SGSM2: variants seen among roughly 807,000 people sequenced by gnomAD.
SGSM2 encodes the protein RUN and TBC1 domain containing 1.
A neutral mutation model predicts 126.6 loss-of-function variants in SGSM2; 89 were observed. The observed-to-expected ratio is 0.70, with a 90% confidence interval of 0.59 to 0.84. The LOEUF is 0.84. Among genes scored for constraint, SGSM2 ranks in the 40% least tolerant of loss-of-function variants. The pLI, the probability that SGSM2 is intolerant of heterozygous loss-of-function variation, is 0.00. For missense variants in SGSM2, 1,404 were observed against 1,416.6 expected (o/e 0.99, Z 0.14); for synonymous variants, 614 against 574.3 (o/e 1.07, Z -0.99).
At position 2,375,537 on chromosome 17, in the gene SGSM2, C is replaced by T. The variant is rs1334219878; in HGVS notation, c.2146C>T (p.Pro716Ser). ...DDLEPPEPQD[P>S]EDSRPKPEQE... is the part of the protein sequence containing the mutation. ...TCTGGAACCCCCGGAGCCCCAGGAC[C>T]CTGAAGATTCCAGACCAAAACCTGA... The change falls in exon 18 of 24, where the codon CCT (proline) becomes TCT (serine). Residue 716 changes from proline to serine, a missense_variant. Transcript: ENST00000268989. 2 of 1,613,646 alleles carry T rather than the reference C, an allele frequency of 1.2e-6. No homozygotes were observed. The highest frequency in any genetic ancestry group is 1.3e-5 in the African/African-American group (1 of 75,036).
chr17:2,376,160 C>A lies in SGSM2; in HGVS notation c.2508C>A (p.Ala836=). Residue 836 remains alanine, a synonymous_variant, in exon 19 of 24, where the codon GCC becomes GCA. Transcript: ENST00000268989. Reference sequence around the variant, plus strand: ...AGATAGAATTACTGGACACTGTGGCCTTAAACCTGCACCGCATAGACAAGG... The same window carrying A: ...AGATAGAATTACTGGACACTGTGGCATTAAACCTGCACCGCATAGACAAGG... The part of the protein sequence containing the change: ...AYTIELLDTV[A]LNLHRIDKDV... 6.2e-7 allele frequency: 1 copy of A among 1,614,108 alleles called. No individual in the cohort carries two copies. The highest frequency in any genetic ancestry group is 8.5e-7 in the Non-Finnish European group (1 of 1,180,012).
At position 2,364,877 on chromosome 17, in the gene SGSM2, C is replaced by A; in HGVS notation, c.1001-20C>A. Reference sequence around the variant, plus strand: ...AGCCGACGAGAGGGCCTCAGCCGCACTCTCCACGTTCACCCCCAGAGAGCG... The same window carrying A: ...AGCCGACGAGAGGGCCTCAGCCGCAATCTCCACGTTCACCCCCAGAGAGCG... On this transcript the variant is annotated intron_variant, in intron 9 of 23. Coordinates refer to ENST00000268989, the MANE Select transcript of SGSM2 (RefSeq NM_014853.3). 1 of 1,604,988 alleles carries A rather than the reference C, an allele frequency of 6.2e-7. No individual in the cohort carries two copies.
Position 2,380,212 on chromosome 17 carries a change from T to C in SGSM2, c.*692T>C, listed in dbSNP as rs1032361132. 18 of 1,534,118 alleles carry C rather than the reference T, an allele frequency of 1.2e-5. No homozygotes were observed. The highest frequency in any genetic ancestry group is 1.5e-5 in the Non-Finnish European group (17 of 1,145,404). ...TCCCCGGCCTTGTACAGTGTACCTC[T>C]GTGTATCTGTACAGCCTCGCTCCTG... is the stretch of plus-strand genomic sequence containing the variant. On this transcript the variant is annotated 3_prime_UTR_variant, in exon 24 of 24. Coordinates refer to ENST00000268989, the MANE Select transcript of SGSM2 (RefSeq NM_014853.3).
chr17:2,377,145 TTCCACAAACA>T (rs1426284183), intron 21 of SGSM2, 77 bp downstream of exon 21: 1 of 847,118 alleles, frequency 1.2e-6, no homozygotes, highest in African/African-American at 1.7e-5. Flanking sequence ...CTAGGGAGCA[TTCCACAAACA>T]TACTTGACAT....
chr17:2,365,560 G>A (rs1025643115), intron 11 of SGSM2, among the ~76,000 whole-genome samples: 3 of 152,046 alleles, frequency 2.0e-5, no homozygotes, highest in Admixed American at 6.5e-5. Flanking sequence ...ACTTCTCCAC[G>A]CCAGGACTCT....
Position 2,362,460 on chromosome 17 carries a change from C to CCCCAAAAACTGCAGGTGACCGCCCCGTT in SGSM2, c.458+194_458+221dup, listed in dbSNP as rs2065359991. The stretch of plus-strand genomic sequence containing the variant: ...AAAAACTGCAGGTGACCGCCCCGTT[C>CCCCAAAAACTGCAGGTGACCGCCCCGTT]CCCAAAAACTGCAGGTGACCGCCCC... On this transcript the variant is annotated intron_variant, in intron 4 of 23. Coordinates refer to ENST00000268989, the MANE Select transcript of SGSM2 (RefSeq NM_014853.3). This position sits in a 1 kb window ranked among gnomAD's most constrained non-coding sequence, Gnocchi z 4.9. Among the ~76,000 whole-genome samples the CCCCAAAAACTGCAGGTGACCGCCCCGTT allele has an allele frequency of 6.9e-6, 1 of 145,730 alleles. No homozygotes were observed. Among genetic ancestry groups the CCCCAAAAACTGCAGGTGACCGCCCCGTT allele is most frequent in the Non-Finnish European group, 1.5e-5 (1 of 66,376 alleles).
chr17:2,343,387 A>T (rs1364734545), intron 1 of SGSM2, among the ~76,000 whole-genome samples, 158 bp from the exon 2 acceptor site: 1 of 152,174 alleles, frequency 6.6e-6, no homozygotes, highest in Non-Finnish European at 1.5e-5. Flanking sequence ...GACTGTGCTG[A>T]AGAAACTTTG....
intron 1 of SGSM2, among the ~76,000 whole-genome samples, chr17:2,340,473 T>G (rs974296513): frequency 6.6e-6 from 1 of 152,186 alleles, no homozygotes; most frequent in Non-Finnish European, 1.5e-5. Context: ...GCTCCAAAAG[T>G]GATTCCTAAG....
rs1211756524 is a variant in SGSM2 at position 2,380,192 on chromosome 17, G to T, written c.*672G>T. The T allele has an allele frequency of 6.6e-7, 1 of 1,511,554 alleles. No homozygotes were observed. 93.6% of individuals were successfully genotyped at this position (1,511,554 alleles called of 1,614,324 possible). Reference sequence around the variant, plus strand: ...CCTGAGGTGACCCCCAGGCCTCCCCGGCCTTGTACAGTGTACCTCTGTGTA... The same window carrying T: ...CCTGAGGTGACCCCCAGGCCTCCCCTGCCTTGTACAGTGTACCTCTGTGTA... On this transcript the variant is annotated 3_prime_UTR_variant, in exon 24 of 24. Coordinates refer to ENST00000268989, the MANE Select transcript of SGSM2 (RefSeq NM_014853.3).
chr17:2,380,243 C>G lies in SGSM2; in HGVS notation c.*723C>G, dbSNP rs902658058. 3 of 1,535,810 alleles carry G rather than the reference C, an allele frequency of 2.0e-6. No homozygotes were observed. In the African/African-American group the frequency reaches 4.1e-5, roughly 21 times the overall value. On this transcript the variant is annotated 3_prime_UTR_variant, in exon 24 of 24. Coordinates refer to ENST00000268989, the MANE Select transcript of SGSM2 (RefSeq NM_014853.3). ...TCTGTACAGCCTCGCTCCTGCCACC[C>G]CACCCTTGCGTTCTGCATTAGGTAC...
chr17:2,373,102 T>C (rs1318075869), intron 16 of SGSM2, 21 bp downstream of exon 16: 1 of 1,592,394 alleles, frequency 6.3e-7, no homozygotes, highest in Non-Finnish European at 8.5e-7. Context: ...CCTGTTCCCA[T>C]GGGGCTGATG....
rs996427692 is a variant in SGSM2 at position 2,362,582 on chromosome 17, G to A, written c.459-256G>A. Among the ~76,000 whole-genome samples, 10 of 152,090 alleles carry A rather than the reference G, an allele frequency of 6.6e-5. No homozygotes were observed. Among genetic ancestry groups the A allele is most frequent in the Admixed American group, 2.0e-4 (3 of 15,260 alleles). ...CCCCTCCCTTGACCCGTCTCCCGACGTCCCTCAGCCCCAGCCCTCAGGATG... is the reference window on the plus strand; with the variant it reads ...CCCCTCCCTTGACCCGTCTCCCGACATCCCTCAGCCCCAGCCCTCAGGATG... On this transcript the variant is annotated intron_variant, in intron 4 of 23. Transcript: ENST00000268989. This position sits in a 1 kb window ranked among gnomAD's most constrained non-coding sequence, Gnocchi z 4.9.
rs1457463919 is a variant in SGSM2 at position 2,372,348 on chromosome 17, G to GC, written c.1649dup (p.His551ThrfsTer19). The GC allele has an allele frequency of 6.3e-7, 1 of 1,594,156 alleles. No individual in the cohort carries two copies. The highest frequency in any genetic ancestry group is 8.5e-7 in the Non-Finnish European group (1 of 1,170,622). On this transcript the variant is annotated frameshift_variant, in exon 15 of 24. Transcript: ENST00000268989. LOFTEE classifies it high-confidence loss of function. The surrounding 1 kb of genome is among the most constrained non-coding windows in gnomAD (Gnocchi z 6.0). The stretch of plus-strand genomic sequence containing the variant: ...CCCACCGCTGCCCACCGCAGGGCTG[G>GC]CACACTGCCGCCACCTGTCCACGGT...
Position 2,376,188 on chromosome 17 carries a change from G to A in SGSM2, c.2536G>A (p.Val846Met). The A allele has an allele frequency of 6.2e-7, 1 of 1,614,106 alleles. No homozygotes were observed. The highest frequency in any genetic ancestry group is 8.5e-7 in the Non-Finnish European group (1 of 1,180,020). The change falls in exon 19 of 24, where the codon GTG (valine) becomes ATG (methionine). Residue 846 changes from valine (V) to methionine (M), a missense_variant. Physicochemically the swap from Val to Met is conservative, Grantham distance 21. Transcript: ENST00000268989. Reference sequence around the variant, plus strand: ...AAACCTGCACCGCATAGACAAGGATGTGCAGAGGTGTGACCGCAACTACTG... The same window carrying A: ...AAACCTGCACCGCATAGACAAGGATATGCAGAGGTGTGACCGCAACTACTG... Reference protein sequence around the residue: ...ALNLHRIDKDVQRCDRNYWYF... With the variant: ...ALNLHRIDKDMQRCDRNYWYF...
rs370436215 is a variant in SGSM2, at chr17:2,375,488, C to T, written c.2101-4C>T. ...GGTGGAGCCGCCCTGTGTTCACCCC[C>T]CAGGTGTTTATCTCAGTGGATGATC... On this transcript the variant is annotated splice_polypyrimidine_tract_variant and splice_region_variant and intron_variant, in intron 17 of 23. Transcript: ENST00000268989. 6 of 1,604,044 alleles carry T rather than the reference C, an allele frequency of 3.7e-6. No individual in the cohort carries two copies. The highest frequency in any genetic ancestry group is 2.7e-5 in the African/African-American group (2 of 74,738).
Position 2,362,321 on chromosome 17 carries a change from A to G in SGSM2, c.458+51A>G. ...GCAGGTGACCACCCCGTTCCCCCCA[A>G]AACTGCAGGTGACCGCCCCGTTCCC... On this transcript the variant is annotated intron_variant, in intron 4 of 23. Coordinates refer to ENST00000268989, the MANE Select transcript of SGSM2 (RefSeq NM_014853.3). This position sits in a 1 kb window ranked among gnomAD's most constrained non-coding sequence, Gnocchi z 4.9. The G allele has an allele frequency of 1.9e-6, 3 of 1,550,964 alleles. No individual in the cohort carries two copies. The highest frequency in any genetic ancestry group is 1.7e-6 in the Non-Finnish European group (2 of 1,148,724).
chr17:2,379,146 C>G lies in SGSM2; in HGVS notation c.3010C>G (p.Arg1004Gly). ...FIALALVEAY[R>G]EIIRDNNMDF... ...CGCCCTCGCCCTGGTGGAGGCCTAC[C>G]GAGAGATCATCCGTGACAACAACAT... Residue 1004 changes from arginine (R) to glycine (G), a missense_variant, in exon 23 of 24, where the codon CGA becomes GGA. Physicochemically the swap from Arg to Gly is moderately radical, Grantham distance 125. Coordinates refer to ENST00000268989, the MANE Select transcript of SGSM2 (RefSeq NM_014853.3). 6.2e-7 allele frequency: 1 copy of G among 1,614,172 alleles called. No homozygotes were observed. The highest frequency in any genetic ancestry group is 1.1e-5 in the South Asian group (1 of 91,088).
intron 2 of SGSM2, among the ~76,000 whole-genome samples, chr17:2,353,051 A>G (rs1268489827): frequency 1.3e-5 from 2 of 151,868 alleles, no homozygotes; most frequent in Admixed American, 6.6e-5. Context: ...TGCTGGGATT[A>G]CAGGCGTGAG....
chr17:2,339,520 C>G (rs1016934516), intron 1 of SGSM2, among the ~76,000 whole-genome samples: 1 of 151,852 alleles, frequency 6.6e-6, no homozygotes, highest in Admixed American at 6.6e-5. Flanking sequence ...GTCAGGAGAT[C>G]GAGACCATCC....
Sources: allele counts gnomAD v4.1 joint callset (sites outside exome capture counted in the v4.1 genomes callset), GRCh38; gene constraint gnomAD v4.1.1; non-coding constraint Gnocchi (gnomAD v3.1); transcripts MANE v1.5; gene names NCBI Gene and HGNC (gene_info 2026-07-23, HGNC 2026-07-21).